MALRD1: variants seen among roughly 807,000 people sequenced by gnomAD.
MALRD1 encodes the protein MAM and LDL receptor class A domain containing 1, also known as MAM and LDL-receptor class A domain-containing protein 1.
Under a neutral mutation model 242.1 loss-of-function variants are expected in MALRD1, and 247 were observed. The observed-to-expected ratio is 1.02, with a 90% confidence interval of 0.92 to 1.13. MALRD1 has a LOEUF of 1.13. MALRD1 is among the 50% of genes most tolerant of loss of function. The probability of loss-of-function intolerance (pLI) is 0.00; values close to 1 mark genes in which losing one functional copy is unlikely to be tolerated. For missense variants in MALRD1, 2,989 were observed against 2,533.1 expected (o/e 1.18, Z -3.86); for synonymous variants, 995 against 866.6 (o/e 1.15, Z -2.60).
intron 4 of MALRD1, among the ~76,000 whole-genome samples, chr10:19,102,522 A>C (rs965173050): frequency 7.2e-5 from 11 of 152,124 alleles, no homozygotes; most frequent in African/African-American, 2.7e-4. Flanking sequence ...CCCATAGAAA[A>C]ATGATCTGTT....
intron 14 of MALRD1, among the ~76,000 whole-genome samples, chr10:19,179,912 T>A (rs1198684263): frequency 2.0e-5 from 3 of 152,138 alleles, no homozygotes; most frequent in Non-Finnish European, 1.5e-5. Context: ...GGGCAATGCC[T>A]CCATTCTTTC....
At chr10:19,232,093 T>G (rs912376966) in intron 18 of MALRD1, among the ~76,000 whole-genome samples, 5 of 152,214 alleles carry the variant, frequency 3.3e-5, no homozygotes, top group Middle Eastern at 3.4e-3. Flanking sequence ...TTTGTGTTAT[T>G]TGTGCATTTT....
chr10:19,653,796 A>AT lies in MALRD1; in HGVS notation c.6137+37874dup, dbSNP rs1190541860. On this transcript the variant is annotated intron_variant, in intron 36 of 39. Transcript: ENST00000454679. ...TATCAAAGTTATTCTTTGGTGGTCC[A>AT]TGGTGATCCATTTCAGTAATTTTTC... 2.2e-4 allele frequency among the ~76,000 whole-genome samples: 34 copies of AT among 152,290 alleles called. 1 individual carries two copies. The highest frequency in any genetic ancestry group is 7.5e-4 in the African/African-American group (31 of 41,564).
At chr10:19,549,418 C>T (rs1224422911) in intron 32 of MALRD1, among the ~76,000 whole-genome samples, 1 of 152,112 alleles carries the variant, frequency 6.6e-6, no homozygotes, top group African/African-American at 2.4e-5. Context: ...AACTTATTGT[C>T]TTGTTTTAAG....
At chr10:19,108,800 G>T (rs1200147685) in intron 5 of MALRD1, among the ~76,000 whole-genome samples, 2 of 151,536 alleles carry the variant, frequency 1.3e-5, no homozygotes, top group Admixed American at 1.3e-4. Flanking sequence ...ATTCCTTTTT[G>T]GGCAATATAT....
chr10:19,126,741 ATAT>A (rs1837296318), intron 7 of MALRD1, among the ~76,000 whole-genome samples: 1 of 151,412 alleles, frequency 6.6e-6, no homozygotes, highest in South Asian at 2.1e-4. Context: ...GGTAGCAGTA[ATAT>A]TATTATTATG....
At chr10:19,574,568 T>A (rs1339583524) in intron 33 of MALRD1, among the ~76,000 whole-genome samples, 1 of 152,140 alleles carries the variant, frequency 6.6e-6, no homozygotes, top group Non-Finnish European at 1.5e-5. Context: ...GTGTGGTGTA[T>A]CAAGTGATAG....
intron 21 of MALRD1, among the ~76,000 whole-genome samples, chr10:19,318,283 T>C (rs115888652): frequency 0.017 from 2,642 of 152,124 alleles, 78 homozygotes; most frequent in African/African-American, 0.06. Context: ...TATTGCTACA[T>C]TGTACTGTTC....
chr10:19,346,627 C>T (rs1844135648), intron 24 of MALRD1, among the ~76,000 whole-genome samples: 3 of 152,018 alleles, frequency 2.0e-5, no homozygotes, highest in Non-Finnish European at 2.9e-5. Context: ...CATTTTGTTA[C>T]TTATCAAATT....
chr10:19,594,456 T>C (rs906569071), intron 33 of MALRD1, among the ~76,000 whole-genome samples: 1 of 152,166 alleles, frequency 6.6e-6, no homozygotes, highest in East Asian at 1.9e-4. Context: ...AAAGTTGAAC[T>C]ACCATTTGAT....
Position 19,692,510 on chromosome 10 carries a change from A to G in MALRD1, c.6270A>G (p.Thr2090=). 6.5e-7 allele frequency: 1 copy of G among 1,535,982 alleles called. No homozygotes were observed. Reference sequence around the variant, plus strand: ...TAGCATTCCTGATGACTCACATCACAGTTGCAGTCTTGTGTTTTCTTGCAA... The same window carrying G: ...TAGCATTCCTGATGACTCACATCACGGTTGCAGTCTTGTGTTTTCTTGCAA... ...IGLAFLMTHI[T]VAVLCFLANR... The change falls in exon 38 of 40, where the codon ACA becomes ACG. Residue 2090 remains threonine (T), a synonymous_variant. Coordinates refer to ENST00000454679, the MANE Select transcript of MALRD1 (RefSeq NM_001142308.3).
At chr10:19,469,007 T>A (rs898760016) in intron 29 of MALRD1, among the ~76,000 whole-genome samples, 1 of 152,100 alleles carries the variant, frequency 6.6e-6, no homozygotes, top group Non-Finnish European at 1.5e-5. Context: ...CAAACTTGGC[T>A]ACATATAAAA....
intron 4 of MALRD1, among the ~76,000 whole-genome samples, chr10:19,096,256 C>T (rs927346433): frequency 2.0e-5 from 3 of 151,936 alleles, no homozygotes; most frequent in African/African-American, 7.3e-5. Flanking sequence ...TGCAGTAGAT[C>T]AATAAAAAAA....
chr10:19,047,447 A>G (rs954257887), upstream of MALRD1, among the ~76,000 whole-genome samples: 2 of 152,084 alleles, frequency 1.3e-5, no homozygotes, highest in African/African-American at 4.8e-5. Flanking sequence ...AAACAAAAAT[A>G]AAGAGATCTT....
intron 28 of MALRD1, among the ~76,000 whole-genome samples, chr10:19,418,967 A>T (rs932047845): frequency 1.3e-5 from 2 of 152,116 alleles, no homozygotes; most frequent in Non-Finnish European, 2.9e-5. Context: ...CCTGCCACAA[A>T]AATAGTAGTA....
chr10:19,462,950 A>C (rs1472508146), intron 29 of MALRD1, among the ~76,000 whole-genome samples: 1 of 152,166 alleles, frequency 6.6e-6, no homozygotes, highest in Non-Finnish European at 1.5e-5. Context: ...GTCTTTTAAA[A>C]TTGTTTTCTT....
chr10:19,654,374 A>C (rs1326979), intron 36 of MALRD1, among the ~76,000 whole-genome samples: 14,832 of 152,198 alleles, frequency 0.097, 1,815 homozygotes, highest in African/African-American at 0.28. Flanking sequence ...GCCTGTATGT[A>C]AATGTCTGTT....
intron 32 of MALRD1, among the ~76,000 whole-genome samples, chr10:19,534,480 C>T (rs1044597024): frequency 2.6e-5 from 4 of 152,112 alleles, no homozygotes; most frequent in Admixed American, 1.3e-4. Context: ...CAGGACCACT[C>T]CTTATAAAGG....
chr10:19,455,367 AG>A (rs1187455723), intron 29 of MALRD1, among the ~76,000 whole-genome samples: 1 of 152,216 alleles, frequency 6.6e-6, no homozygotes, highest in Admixed American at 6.5e-5. Context: ...CCTGATACTC[AG>A]GGAGCTTACT....
Sources: allele counts gnomAD v4.1 joint callset (sites outside exome capture counted in the v4.1 genomes callset), GRCh38; gene constraint gnomAD v4.1.1; transcripts MANE v1.5; gene names NCBI Gene and HGNC (gene_info 2026-07-23, HGNC 2026-07-21).